INTS10: variants seen among roughly 807,000 people sequenced by gnomAD.
INTS10 encodes chromosome 8 open reading frame 35.
A neutral mutation model predicts 94.4 loss-of-function variants in INTS10; 44 were observed. That is an observed-to-expected ratio of 0.47 (90% confidence interval 0.37 to 0.60). The LOEUF (loss-of-function observed/expected upper bound fraction) is 0.60. INTS10 is among the 20% of genes least tolerant of loss of function. INTS10 has a pLI of 0.00. For missense variants in INTS10, 797 were observed against 868.7 expected (o/e 0.92, Z 1.04); for synonymous variants, 341 against 320.7 (o/e 1.06, Z -0.68).
At chr8:19,830,625 G>A in intron 10 of INTS10, 66 bp downstream of exon 10, 2 of 1,439,756 alleles carry the variant, frequency 1.4e-6, no homozygotes, top group South Asian at 1.2e-5. Context: ...TACTTCAAAT[G>A]TCAGGTCACT....
intron 9 of INTS10, among the ~76,000 whole-genome samples, chr8:19,827,480 C>T (rs1366315904): frequency 6.6e-6 from 1 of 152,170 alleles, no homozygotes. Context: ...CACTAGAGTA[C>T]AAGCTCCGTG....
intron 13 of INTS10, among the ~76,000 whole-genome samples, chr8:19,839,778 C>T (rs1284812147): frequency 2.0e-5 from 3 of 151,976 alleles, no homozygotes; most frequent in Non-Finnish European, 4.4e-5. Flanking sequence ...CACAAATCCC[C>T]AAGGCTGGGC....
In INTS10 at chr8:19,837,081, G is replaced by A. The variant is rs1266878285; in HGVS notation, c.1560G>A (p.Met520Ile). 1.2e-6 allele frequency: 2 copies of A among 1,613,540 alleles called. No individual in the cohort carries two copies. The highest frequency in any genetic ancestry group is 1.7e-5 in the Admixed American group (1 of 60,012). The change falls in exon 13 of 17, where the codon ATG becomes ATA. Residue 520 changes from methionine (M) to isoleucine (I), a missense_variant. Transcript: ENST00000397977. ...RMTCEKVLDL[M>I]CYMVLPIQDG... is the part of the protein sequence containing the mutation. The stretch of plus-strand genomic sequence containing the variant: ...CATGTGAAAAAGTCCTTGATTTGAT[G>A]TGCTACATGGTACTCCCCATTCAAG...
intron 11 of INTS10, 70 bp from the exon 12 acceptor site, chr8:19,833,099 A>T (rs2067365260): frequency 7.3e-7 from 1 of 1,369,662 alleles, no homozygotes; most frequent in South Asian, 1.6e-5. Context: ...TGAACCCTGG[A>T]ACGGTATTTT....
At chr8:19,823,607 GA>G (rs2066559991) in intron 6 of INTS10, among the ~76,000 whole-genome samples, 166 bp downstream of exon 6, 1 of 152,270 alleles carries the variant, frequency 6.6e-6, no homozygotes, top group Non-Finnish European at 1.5e-5. Context: ...GGCTTTTCTG[GA>G]AGCAATGCCA....
chr8:19,851,611 C>G lies in INTS10; in HGVS notation c.1977-38C>G. On this transcript the variant is annotated intron_variant, in intron 16 of 16. Coordinates refer to ENST00000397977, the MANE Select transcript of INTS10 (RefSeq NM_018142.4). The surrounding 1 kb of genome is among the most constrained non-coding windows in gnomAD (Gnocchi z 5.0). ...CAGCGATCAGCGATGCTGGTGCTAA[C>G]CCCTGGTCTTTGTCTGTTTCCCTAT... 6.2e-7 allele frequency: 1 copy of G among 1,607,896 alleles called. No individual in the cohort carries two copies. The highest frequency in any genetic ancestry group is 2.2e-5 in the East Asian group (1 of 44,798).
chr8:19,828,134 T>C (rs1035039827), intron 9 of INTS10, among the ~76,000 whole-genome samples: 19 of 151,792 alleles, frequency 1.3e-4, no homozygotes, highest in African/African-American at 4.4e-4. Context: ...TCCCTTGAGC[T>C]CAGGAGTTCA....
intron 12 of INTS10, among the ~76,000 whole-genome samples, chr8:19,833,525 C>T (rs1479677499): frequency 1.3e-5 from 2 of 152,316 alleles, no homozygotes; most frequent in Admixed American, 1.3e-4. Flanking sequence ...TGAAATAAGG[C>T]ATCAGTACTT....
chr8:19,826,235 C>T (rs1011759645), intron 8 of INTS10, among the ~76,000 whole-genome samples, 191 bp from the exon 9 acceptor site: 1 of 152,086 alleles, frequency 6.6e-6, no homozygotes, highest in Non-Finnish European at 1.5e-5. Context: ...CGCATGCTAC[C>T]ATGCCCGGCT....
chr8:19,841,925 T>A, intron 13 of INTS10: 1 of 438,580 alleles, frequency 2.3e-6, no homozygotes, highest in Middle Eastern at 3.6e-4. Flanking sequence ...TGTTATTCCA[T>A]GCACCTTTTG....
chr8:19,818,334 G>A lies in INTS10; in HGVS notation c.189G>A (p.Leu63=), dbSNP rs2066103529. ...AERTATAGRL[L]YDMFVNFPDQ... ...GGACCGCCACCGCCGGGAGGCTGCTGTACGACATGTGAGTGGGACGCTTGA... is the reference window on the plus strand; with the variant it reads ...GGACCGCCACCGCCGGGAGGCTGCTATACGACATGTGAGTGGGACGCTTGA... The change falls in exon 2 of 17, where the codon CTG becomes CTA. Residue 63 remains leucine (L), a synonymous_variant. Transcript: ENST00000397977. 1 of 1,614,048 alleles carries A rather than the reference G, an allele frequency of 6.2e-7. No homozygotes were observed. The highest frequency in any genetic ancestry group is 1.3e-5 in the African/African-American group (1 of 74,938).
rs1001392784 is a variant in INTS10 at position 19,843,497 on chromosome 8, C to T, written c.1719+570C>T. 2.0e-5 allele frequency among the ~76,000 whole-genome samples: 3 copies of T among 152,200 alleles called. No homozygotes were observed. The highest frequency in any genetic ancestry group is 7.2e-5 in the African/African-American group (3 of 41,446). ...CTCCACTTCAGTGCAGTAACTCCCA[C>T]TTAACTCATCATCCATATCACTTTT... On this transcript the variant is annotated intron_variant, in intron 14 of 16. Coordinates refer to ENST00000397977, the MANE Select transcript of INTS10 (RefSeq NM_018142.4). This position sits in a 1 kb window ranked among gnomAD's most constrained non-coding sequence, Gnocchi z 4.7.
At chr8:19,832,976 A>T (rs547596841) in intron 11 of INTS10, among the ~76,000 whole-genome samples, 193 bp from the exon 12 acceptor site, 1 of 152,004 alleles carries the variant, frequency 6.6e-6, no homozygotes, top group Non-Finnish European at 1.5e-5. Flanking sequence ...GCCAGAAAGA[A>T]CTCCCACCTG....
chr8:19,830,298 C>A, intron 9 of INTS10, 108 bp from the exon 10 acceptor site: 1 of 898,960 alleles, frequency 1.1e-6, no homozygotes, highest in Non-Finnish European at 1.6e-6. Flanking sequence ...ATGTGGTATC[C>A]TTTGATATAA....
In INTS10 at chr8:19,845,622, C is replaced by T. The variant is rs903414180; in HGVS notation, c.1883-82C>T. 7.5e-6 allele frequency: 7 copies of T among 935,310 alleles called. No homozygotes were observed. In the African/African-American group the frequency reaches 9.8e-5, roughly 13 times the overall value. 57.9% of individuals were successfully genotyped at this position (935,310 alleles called of 1,614,324 possible). A position where few individuals can be genotyped will look rare whatever the true frequency, so the allele number is the denominator to read the frequency against. On this transcript the variant is annotated intron_variant, in intron 15 of 16. Transcript: ENST00000397977. ...TAGTGGGATGGCAATGGGCAAGTTA[C>T]TCAACTGCCGAGACCCCATTTCCTC...
chr8:19,818,313 C>G lies in INTS10; in HGVS notation c.168C>G (p.Thr56=). The G allele has an allele frequency of 6.2e-7, 1 of 1,614,136 alleles. No homozygotes were observed. The highest frequency in any genetic ancestry group is 8.5e-7 in the Non-Finnish European group (1 of 1,180,020). The part of the protein sequence containing the change: ...MYTIERNAER[T]ATAGRLLYDM... ...CCATCGAGCGGAATGCAGAGCGGACCGCCACCGCCGGGAGGCTGCTGTACG... is the reference window on the plus strand; with the variant it reads ...CCATCGAGCGGAATGCAGAGCGGACGGCCACCGCCGGGAGGCTGCTGTACG... The change falls in exon 2 of 17, where the codon ACC becomes ACG. Residue 56 remains threonine, a synonymous_variant. Coordinates refer to ENST00000397977, the MANE Select transcript of INTS10 (RefSeq NM_018142.4).
chr8:19,821,456 C>T (rs6981306), intron 4 of INTS10: 60,472 of 151,934 alleles, frequency 0.4, 12,657 homozygotes, highest in African/African-American at 0.51. Context: ...CCTTTTTTGT[C>T]GTTGTTTTTT....
chr8:19,823,422 A>C lies in INTS10; in HGVS notation c.645A>C (p.Gln215His), dbSNP rs1383516446. 2 of 1,604,546 alleles carry C rather than the reference A, an allele frequency of 1.2e-6. No individual in the cohort carries two copies. ...FYINYVTRST[Q>H]IENQHQGAQD... ...TCAATTATGTCACTAGGTCTACTCA[A>C]ATAGAAAATCAGCATCAAGGTAAGT... Residue 215 changes from glutamine to histidine, a missense_variant, in exon 6 of 17, where the codon CAA becomes CAC. Physicochemically the swap from Gln to His is conservative, Grantham distance 24. Around this residue, in one of 3 missense-constraint regions of INTS10, gnomAD observed 734 missense variants for 787.8 expected, o/e 0.93. Transcript: ENST00000397977.
intron 16 of INTS10, among the ~76,000 whole-genome samples, chr8:19,848,253 G>C: frequency 6.6e-6 from 1 of 152,148 alleles, no homozygotes; most frequent in East Asian, 1.9e-4. Context: ...GATGTTGTGA[G>C]CAGTGTACAC....
Sources: allele counts gnomAD v4.1 joint callset (sites outside exome capture counted in the v4.1 genomes callset), GRCh38; gene constraint gnomAD v4.1.1; regional missense constraint gnomAD v4.1.1; non-coding constraint Gnocchi (gnomAD v3.1); transcripts MANE v1.5; gene names NCBI Gene and HGNC (gene_info 2026-07-23, HGNC 2026-07-21).